Variants in TPRG1 observed in about 807,000 individuals in gnomAD.
The protein encoded by TPRG1 is tumor protein p63 regulated 1.
A neutral mutation model predicts 29.3 loss-of-function variants in TPRG1; 29 were observed. The observed-to-expected ratio is 0.99, with a 90% CI of 0.74 to 1.35. The LOEUF (loss-of-function observed/expected upper bound fraction) is 1.35, where lower values mean the gene tolerates loss of function less well. Among genes scored for constraint, TPRG1 ranks in the 40% most tolerant of loss-of-function variants. The pLI is 0.00. For missense variants in TPRG1, 327 were observed against 335.0 expected (o/e 0.98, Z 0.19); for synonymous variants, 130 against 116.8 (o/e 1.11, Z -0.73).
At chr3:189,270,863 GT>G (rs1288229362) in intron 4 of TPRG1, among the ~76,000 whole-genome samples, 1 of 152,136 alleles carries the variant, frequency 6.6e-6, no homozygotes, top group South Asian at 2.1e-4. Context: ...ATTGAAACAT[GT>G]TTTTTCCTAC....
At chr3:189,294,644 C>A (rs1336043048) in intron 4 of TPRG1, among the ~76,000 whole-genome samples, 1 of 152,118 alleles carries the variant, frequency 6.6e-6, no homozygotes, top group African/African-American at 2.4e-5. Context: ...AAAGACAATA[C>A]TTCAGCAATT....
intron 1 of TPRG1, among the ~76,000 whole-genome samples, chr3:189,103,414 G>A (rs1466942890): frequency 6.6e-6 from 1 of 152,142 alleles, no homozygotes; most frequent in African/African-American, 2.4e-5. Flanking sequence ...GGAGAAAGTG[G>A]ATCAAGATCT....
chr3:189,244,559 G>A (rs1741103674), intron 4 of TPRG1, among the ~76,000 whole-genome samples: 1 of 152,154 alleles, frequency 6.6e-6, no homozygotes, highest in Non-Finnish European at 1.5e-5. Context: ...CATGGTAGGA[G>A]CAGGAGCAAG....
At chr3:189,276,838 G>A (rs978406057) in intron 4 of TPRG1, among the ~76,000 whole-genome samples, 1 of 152,020 alleles carries the variant, frequency 6.6e-6, no homozygotes, top group Non-Finnish European at 1.5e-5. Context: ...ACCAAGAGAG[G>A]CAGGGTTTTT....
chr3:189,057,795 G>C (rs1715802272), intron 4 of TPRG1, among the ~76,000 whole-genome samples: 2 of 134,894 alleles, frequency 1.5e-5, no homozygotes, highest in Non-Finnish European at 3.2e-5. Context: ...TATATTTATG[G>C]GTATGTATGT....
At chr3:189,245,931 T>A (rs577320238) in intron 4 of TPRG1, among the ~76,000 whole-genome samples, 5 of 152,136 alleles carry the variant, frequency 3.3e-5, no homozygotes, top group Non-Finnish European at 5.9e-5. Flanking sequence ...TCTGGCAAAA[T>A]TCTATGTTAT....
chr3:189,167,152 A>G (rs1010470721), upstream of TPRG1, among the ~76,000 whole-genome samples: 6 of 152,000 alleles, frequency 3.9e-5, no homozygotes, highest in Non-Finnish European at 8.8e-5. Flanking sequence ...AGGTGACTGG[A>G]TGGTTTCCAC....
chr3:189,237,305 A>G (rs1446925633), intron 3 of TPRG1, among the ~76,000 whole-genome samples: 1 of 151,986 alleles, frequency 6.6e-6, no homozygotes, highest in Non-Finnish European at 1.5e-5. Context: ...ACGCACACAC[A>G]CACACGCACT....
At chr3:189,189,826 A>T (rs181680944) in intron 1 of TPRG1, among the ~76,000 whole-genome samples, 1 of 152,234 alleles carries the variant, frequency 6.6e-6, no homozygotes, top group Non-Finnish European at 1.5e-5. Context: ...AAGTATATCC[A>T]CTGATTATGC....
chr3:189,307,330 C>CCAATCTTCT (rs1721791707), intron 4 of TPRG1, among the ~76,000 whole-genome samples: 1 of 152,158 alleles, frequency 6.6e-6, no homozygotes, highest in African/African-American at 2.4e-5. Context: ...GGCCAAAGAC[C>CCAATCTTCT]CAATCTTCTC....
At chr3:189,236,698 A>AAT (rs1415394573) in intron 3 of TPRG1, among the ~76,000 whole-genome samples, 4 of 152,314 alleles carry the variant, frequency 2.6e-5, no homozygotes, top group African/African-American at 9.6e-5. Flanking sequence ...AATACTTATG[A>AAT]ATATATAATG....
At chr3:189,106,734 G>A (rs1224041140) in intron 1 of TPRG1, among the ~76,000 whole-genome samples, 1 of 151,946 alleles carries the variant, frequency 6.6e-6, no homozygotes, top group Non-Finnish European at 1.5e-5. Flanking sequence ...GCTTACATTT[G>A]TATATGACCT....
intron 1 of TPRG1, among the ~76,000 whole-genome samples, chr3:189,194,293 C>G (rs1392094335): frequency 6.6e-6 from 1 of 152,136 alleles, no homozygotes; most frequent in Non-Finnish European, 1.5e-5. Flanking sequence ...GGGTTCTTCT[C>G]TCCTTACTTT....
chr3:189,044,227 A>T (rs1015763653), intron 4 of TPRG1, among the ~76,000 whole-genome samples: 2 of 152,112 alleles, frequency 1.3e-5, no homozygotes, highest in Non-Finnish European at 2.9e-5. Flanking sequence ...GGGACTCTGG[A>T]GCTGGAGAGG....
chr3:189,219,592 A>G (rs946430833), intron 3 of TPRG1: 2 of 1,288,256 alleles, frequency 1.6e-6, no homozygotes, highest in African/African-American at 1.5e-5. Context: ...GCCAGCACCA[A>G]GGAGAACATC....
Position 189,324,469 on chromosome 3 carries a change from T to C in TPRG1, c.*3649T>C, listed in dbSNP as rs1190677630. 6.6e-6 allele frequency: 1 copy of C among 152,064 alleles called. No individual in the cohort carries two copies. Among genetic ancestry groups the C allele is most frequent in the African/African-American group, 2.4e-5 (1 of 41,400 alleles). The allele number at this position is 152,064 out of a possible 1,614,324, so 9.4% of individuals were successfully genotyped here. ...AGATAATTTTGAAATGAGAAAACAA[T>C]AGGGCACAGTCGTTTGGGAAGAATT... is the stretch of plus-strand genomic sequence containing the variant. On this transcript the variant is annotated 3_prime_UTR_variant, in exon 6 of 6. Transcript: ENST00000345063.
chr3:189,027,954 C>T (rs557734756), intron 4 of TPRG1, among the ~76,000 whole-genome samples: 17 of 152,114 alleles, frequency 1.1e-4, no homozygotes, highest in African/African-American at 4.1e-4. Context: ...CCTCATTATT[C>T]ATTATTTCAT....
At chr3:189,222,492 C>T (rs1305553184) in intron 3 of TPRG1, among the ~76,000 whole-genome samples, 1 of 152,146 alleles carries the variant, frequency 6.6e-6, no homozygotes, top group Non-Finnish European at 1.5e-5. Flanking sequence ...ACCCCTGGTA[C>T]TCAAAGTGTA....
chr3:189,022,716 A>G (rs147012417), intron 3 of TPRG1, among the ~76,000 whole-genome samples: 1 of 152,210 alleles, frequency 6.6e-6, no homozygotes, highest in Non-Finnish European at 1.5e-5. Flanking sequence ...GTGGAGCCTA[A>G]AGAGGCAGGC....
Sources: allele counts gnomAD v4.1 joint callset (sites outside exome capture counted in the v4.1 genomes callset), GRCh38; gene constraint gnomAD v4.1.1; transcripts MANE v1.5; gene names NCBI Gene and HGNC (gene_info 2026-07-23, HGNC 2026-07-21).